SKA1: variants seen among roughly 807,000 people sequenced by gnomAD.
SKA1 encodes spindle and kinetochore associated complex subunit 1.
Under a neutral mutation model 31.8 loss-of-function variants are expected in SKA1, and 20 were observed. The ratio of observed to expected loss-of-function variants is 0.63; its 90% CI spans 0.44 to 0.91. The LOEUF (loss-of-function observed/expected upper bound fraction) is 0.91. SKA1 is among the 40% of genes least tolerant of loss of function. The probability of loss-of-function intolerance (pLI) is 0.00; values close to 1 mark genes in which losing one functional copy is unlikely to be tolerated. For missense variants in SKA1, 253 were observed against 298.2 expected (o/e 0.85, Z 1.12); for synonymous variants, 88 against 100.5 (o/e 0.88, Z 0.74).
At chr18:50,375,689 C>T (rs888606725) in intron 1 of SKA1, 131 bp from the exon 2 acceptor site, 30 of 603,594 alleles carry the variant, frequency 5.0e-5, no homozygotes, top group Non-Finnish European at 8.1e-5. Context: ...AAAGAAATTG[C>T]TCTTGAATTT....
intron 6 of SKA1, 59 bp downstream of exon 6, chr18:50,391,352 G>C: frequency 7.5e-7 from 1 of 1,330,736 alleles, no homozygotes; most frequent in South Asian, 2.3e-5. Context: ...ACTAAATCAC[G>C]AGAAATGTAG....
intron 2 of SKA1, among the ~76,000 whole-genome samples, chr18:50,378,095 G>A (rs1401264905): frequency 6.6e-6 from 1 of 152,116 alleles, no homozygotes; most frequent in Non-Finnish European, 1.5e-5. Context: ...GAAGTAATTT[G>A]TAAAAGACTT....
rs762170775 is a variant in SKA1, at chr18:50,375,891, A to G, written c.61A>G (p.Lys21Glu). 1 of 1,608,104 alleles carries G rather than the reference A, an allele frequency of 6.2e-7. No homozygotes were observed. The highest frequency in any genetic ancestry group is 8.5e-7 in the Non-Finnish European group (1 of 1,176,266). ...TGTTAATGAAAAGATTGGCAATATT[A>G]AGAAAACCTTATCATTAAGAAACTG... ...SHVNEKIGNIKKTLSLRNCGQ... is the reference protein window; with the variant it reads ...SHVNEKIGNIEKTLSLRNCGQ... The change falls in exon 2 of 7, where the codon AAG becomes GAG. Residue 21 changes from lysine to glutamate, a missense_variant. By Grantham distance (56) the Lys-to-Glu change is moderately conservative. Transcript: ENST00000285116.
At chr18:50,376,071 A>G (rs1030955769) in intron 2 of SKA1, among the ~76,000 whole-genome samples, 153 bp downstream of exon 2, 7 of 152,198 alleles carry the variant, frequency 4.6e-5, no homozygotes, top group African/African-American at 1.7e-4. Flanking sequence ...GTCATTTTGA[A>G]TATTGTGGAG....
chr18:50,377,110 CAT>C (rs1303266795), intron 2 of SKA1, among the ~76,000 whole-genome samples: 8 of 151,688 alleles, frequency 5.3e-5, no homozygotes, highest in Admixed American at 1.3e-4. Flanking sequence ...TAGTAAATAA[CAT>C]AAACTAGTAA....
chr18:50,388,246 A>G (rs2041326505), intron 5 of SKA1, among the ~76,000 whole-genome samples: 1 of 152,100 alleles, frequency 6.6e-6, no homozygotes, highest in Admixed American at 6.6e-5. Flanking sequence ...CGCCGCCACC[A>G]TGCCAGGCTA....
rs780143841 is a variant in SKA1, at chr18:50,380,186, A to G, written c.149A>G (p.Asn50Ser). Residue 50 changes from asparagine to serine, a missense_variant, in exon 3 of 7, where the codon AAT (asparagine) becomes AGT (serine). Coordinates refer to ENST00000285116, the MANE Select transcript of SKA1 (RefSeq NM_145060.4). ...NKIGDEIIVI[N>S]ELLNKLELEI... ...ATAGGAGATGAGATCATTGTAATAA[A>G]TGAACTTCTAAATAAATTGGAATTG... The G allele has an allele frequency of 1.9e-6, 3 of 1,559,494 alleles. No individual in the cohort carries two copies. In the South Asian group the frequency reaches 3.7e-5, roughly 19 times the overall value.
In SKA1 at chr18:50,390,789, CT is replaced by C. The variant is rs2041350301; in HGVS notation, c.450-332del. ...TAATTTATTAATATTTAAGTTTTTC[CT>C]TTGCTCACATTTAAAACTGTTTAAA... On this transcript the variant is annotated intron_variant, in intron 5 of 6. Coordinates refer to ENST00000285116, the MANE Select transcript of SKA1 (RefSeq NM_145060.4). Among the ~76,000 whole-genome samples the C allele has an allele frequency of 2.0e-5, 3 of 151,846 alleles. No individual in the cohort carries two copies. In the South Asian group the frequency reaches 6.2e-4, roughly 32 times the overall value.
At chr18:50,387,442 G>A (rs1376218335) in intron 5 of SKA1, among the ~76,000 whole-genome samples, 1 of 152,186 alleles carries the variant, frequency 6.6e-6, no homozygotes, top group Non-Finnish European at 1.5e-5. Context: ...TCTTGTCATT[G>A]AATTTTAAGA....
Position 50,385,293 on chromosome 18 carries a change from A to G in SKA1, c.389A>G (p.Glu130Gly). ...GAACCCGTAAAGAAGCCTCCCAAAG[A>G]GCAAAGAAGTATTAAGGAAATGCCA... ...EPEPVKKPPKEQRSIKEMPFI... is the reference protein window; with the variant it reads ...EPEPVKKPPKGQRSIKEMPFI... Residue 130 changes from glutamate (E) to glycine (G), a missense_variant, in exon 5 of 7, where the codon GAG becomes GGG. Physicochemically the swap from Glu to Gly is moderately conservative, Grantham distance 98. Transcript: ENST00000285116. The G allele has an allele frequency of 6.2e-7, 1 of 1,613,708 alleles. No homozygotes were observed. The highest frequency in any genetic ancestry group is 1.1e-5 in the South Asian group (1 of 91,046).
At chr18:50,380,893 T>C (rs2149319918) in intron 3 of SKA1, among the ~76,000 whole-genome samples, 1 of 152,310 alleles carries the variant, frequency 6.6e-6, no homozygotes, top group Middle Eastern at 3.4e-3. Flanking sequence ...GGGGAATTGC[T>C]CAGTGGGATT....
Position 50,392,734 on chromosome 18 carries a change from C to CT in SKA1, c.*502dup, listed in dbSNP as rs34062932. On this transcript the variant is annotated 3_prime_UTR_variant, in exon 7 of 7. Coordinates refer to ENST00000285116, the MANE Select transcript of SKA1 (RefSeq NM_145060.4). ...GCTTATTTCTTGTTTTTTTCTTTTT[C>CT]TTTTTTTTTTTTTTTGAGACAGTCT... 1.3e-3 allele frequency: 167 copies of CT among 130,862 alleles called. 1 individual carries two copies. In the East Asian group the frequency reaches 0.015, roughly 12 times the overall value. The allele number at this position is 130,862 out of a possible 1,614,324, so 8.1% of individuals were successfully genotyped here.
intron 5 of SKA1, among the ~76,000 whole-genome samples, chr18:50,387,651 T>G (rs1008304798): frequency 3.3e-5 from 5 of 152,254 alleles, no homozygotes. Context: ...GAGTCTAGTC[T>G]GCTGATGGAG....
intron 4 of SKA1, 128 bp from the exon 5 acceptor site, chr18:50,385,088 A>G: frequency 1.4e-6 from 1 of 734,298 alleles, no homozygotes; most frequent in East Asian, 2.8e-5. Flanking sequence ...AGGGATAGAA[A>G]AAAATGTTGG....
intron 3 of SKA1, among the ~76,000 whole-genome samples, chr18:50,381,198 G>A (rs919129473): frequency 3.9e-5 from 6 of 152,200 alleles, no homozygotes; most frequent in African/African-American, 7.2e-5. Context: ...CATTGTGATT[G>A]GGAGCCAGAT....
chr18:50,389,597 A>G (rs1002228797), intron 5 of SKA1, among the ~76,000 whole-genome samples: 2 of 151,890 alleles, frequency 1.3e-5, no homozygotes, highest in African/African-American at 4.8e-5. Flanking sequence ...GGTTTCAGCC[A>G]TGTTGGCCAG....
chr18:50,381,980 C>T (rs1286001879), intron 3 of SKA1, 149 bp from the exon 4 acceptor site: 4 of 558,510 alleles, frequency 7.2e-6, no homozygotes, highest in Non-Finnish European at 1.3e-5. Context: ...CCGCCTTAGC[C>T]TCCCAAGGTG....
chr18:50,375,916 G>C lies in SKA1; in HGVS notation c.86G>C (p.Cys29Ser). 6.4e-7 allele frequency: 1 copy of C among 1,573,078 alleles called. No individual in the cohort carries two copies. The highest frequency in any genetic ancestry group is 8.7e-7 in the Non-Finnish European group (1 of 1,147,476). Reference sequence around the variant, plus strand: ...AAGAAAACCTTATCATTAAGAAACTGTGGTAAGTAAAACAGATTCCACTGA... The same window carrying C: ...AAGAAAACCTTATCATTAAGAAACTCTGGTAAGTAAAACAGATTCCACTGA... ...NIKKTLSLRN[C>S]GQEPTLKTVL... The change falls in exon 2 of 7, where the codon TGT (cysteine) becomes TCT (serine). Residue 29 changes from cysteine to serine, a missense_variant and splice_region_variant. Physicochemically the swap from Cys to Ser is moderately radical, Grantham distance 112. Coordinates refer to ENST00000285116, the MANE Select transcript of SKA1 (RefSeq NM_145060.4).
chr18:50,392,049 CT>C (rs761136830), intron 6 of SKA1, 49 bp from the exon 7 acceptor site: 2 of 1,438,220 alleles, frequency 1.4e-6, no homozygotes, highest in African/African-American at 2.9e-5. Flanking sequence ...ATTAAAGACT[CT>C]TTTGCAAGTT....
Sources: allele counts gnomAD v4.1 joint callset (sites outside exome capture counted in the v4.1 genomes callset), GRCh38; gene constraint gnomAD v4.1.1; transcripts MANE v1.5; gene names NCBI Gene and HGNC (gene_info 2026-07-23, HGNC 2026-07-21).